VAV3: variants seen among roughly 807,000 people sequenced by gnomAD.
VAV3 encodes the protein vav guanine nucleotide exchange factor 3, also known as guanine nucleotide exchange factor VAV3.
VAV3 carries 94 observed loss-of-function variants against 131.2 expected under a neutral mutation model. The ratio of observed to expected loss-of-function variants is 0.72; its 90% CI spans 0.61 to 0.85. The LOEUF is 0.85. VAV3 is among the 40% of genes least tolerant of loss of function. The pLI is 0.00. For missense variants in VAV3, 939 were observed against 1,002.7 expected, an observed-to-expected ratio of 0.94 and a Z score of 0.86; for synonymous variants, 349 against 342.0, an observed-to-expected ratio of 1.02 and a Z score of -0.22.
intron 15 of VAV3, among the ~76,000 whole-genome samples, chr1:107,739,647 T>C (rs920716359): frequency 6.6e-6 from 1 of 152,186 alleles, no homozygotes; most frequent in African/African-American, 2.4e-5. Flanking sequence ...GAGAAAATAA[T>C]TTCTCAACAA....
At chr1:107,613,343 T>A (rs918115912) in intron 21 of VAV3, among the ~76,000 whole-genome samples, 33 of 152,116 alleles carry the variant, frequency 2.2e-4, no homozygotes, top group African/African-American at 8.0e-4. Context: ...TATTCTCTCC[T>A]TCTATTAAAT....
intron 20 of VAV3, among the ~76,000 whole-genome samples, chr1:107,637,684 C>T (rs551527917): frequency 6.6e-6 from 1 of 152,238 alleles, no homozygotes; most frequent in South Asian, 2.1e-4. Flanking sequence ...AAACTCTAGG[C>T]CTAGATAGCT....
intron 1 of VAV3, among the ~76,000 whole-genome samples, chr1:107,916,869 CA>C (rs1452638845): frequency 6.6e-6 from 1 of 152,054 alleles, no homozygotes; most frequent in Non-Finnish European, 1.5e-5. Flanking sequence ...CAGCAAGAAT[CA>C]GGGGCCACAA....
At chr1:107,750,140 A>G (rs77335801) in intron 13 of VAV3, among the ~76,000 whole-genome samples, 1,868 of 152,282 alleles carry the variant, frequency 0.012, 46 homozygotes, top group African/African-American at 0.041. Flanking sequence ...AATTTGCTCA[A>G]GATCACACTG....
At chr1:107,642,863 C>G in intron 19 of VAV3, 108 bp from the exon 20 acceptor site, 2 of 1,433,226 alleles carry the variant, frequency 1.4e-6, no homozygotes, top group South Asian at 2.7e-5. Context: ...GTTAATACCA[C>G]CAAGTCCAAG....
intron 1 of VAV3, among the ~76,000 whole-genome samples, chr1:107,876,708 T>C (rs867047493): frequency 6.6e-6 from 1 of 152,252 alleles, no homozygotes; most frequent in African/African-American, 2.4e-5. Context: ...CAGATCCACC[T>C]AAGCAAAATA....
At position 107,874,935 on chromosome 1, in the gene VAV3, G is replaced by A. The variant is rs1466441587; in HGVS notation, c.287C>T (p.Ala96Val). 6.2e-7 allele frequency: 1 copy of A among 1,613,192 alleles called. No homozygotes were observed. Among genetic ancestry groups the A allele is most frequent in the Non-Finnish European group, 8.5e-7 (1 of 1,179,550 alleles). Residue 96 changes from alanine to valine, a missense_variant, in exon 2 of 27, where the codon GCA (alanine) becomes GTA (valine). Transcript: ENST00000370056. ...FGMRKSELFE[A>V]FDLFDVRDFG... ...GTCACGAACATCAAACAAGTCAAAT[G>A]CCTCGAAAAGTTCACTTTTCCTCAT...
intron 13 of VAV3, among the ~76,000 whole-genome samples, chr1:107,750,702 T>C (rs955302305): frequency 3.9e-5 from 6 of 152,266 alleles, no homozygotes; most frequent in Non-Finnish European, 5.9e-5. Context: ...AAGAACTACA[T>C]CTGCAAATTT....
At chr1:107,785,599 C>A in intron 2 of VAV3, 2 of 1,160,330 alleles carry the variant, frequency 1.7e-6, no homozygotes, top group Non-Finnish European at 2.2e-6. Context: ...AGGCTCAAGG[C>A]ACAGATGTTG....
intron 25 of VAV3, among the ~76,000 whole-genome samples, chr1:107,576,973 G>A (rs1558061090): frequency 6.6e-6 from 1 of 151,854 alleles, no homozygotes; most frequent in Non-Finnish European, 1.5e-5. Context: ...TTCAAAAGGA[G>A]AAAAGTGCAG....
At chr1:107,930,674 G>C (rs989934628) in intron 1 of VAV3, among the ~76,000 whole-genome samples, 1 of 151,938 alleles carries the variant, frequency 6.6e-6, no homozygotes, top group Admixed American at 6.5e-5. Context: ...ATTGTTTTAG[G>C]CAAAGATTAA....
In VAV3 at chr1:107,785,409, G is replaced by T. The variant is rs776306616; in HGVS notation, c.322-5917C>A. ...GACCCAAAAGGAAAGGCCGGGTTCAGTAACAACAACCTGGGTTCAAAAGGA... is the reference window on the plus strand; with the variant it reads ...GACCCAAAAGGAAAGGCCGGGTTCATTAACAACAACCTGGGTTCAAAAGGA... On this transcript the variant is annotated intron_variant, in intron 2 of 26. Coordinates refer to ENST00000370056, the MANE Select transcript of VAV3 (RefSeq NM_006113.5). The T allele has an allele frequency of 6.8e-6, 9 of 1,319,282 alleles. No individual in the cohort carries two copies. The Admixed American group carries it at 2.1e-4, about 31-fold the overall frequency. 81.7% of individuals were successfully genotyped at this position (1,319,282 alleles called of 1,614,324 possible).
At chr1:107,814,075 C>G (rs1261893565) in intron 2 of VAV3, among the ~76,000 whole-genome samples, 1 of 150,470 alleles carries the variant, frequency 6.6e-6, no homozygotes, top group Non-Finnish European at 1.5e-5. Flanking sequence ...TAGGTTGATT[C>G]CATATCTTGG....
chr1:107,722,340 T>C (rs1474550084), intron 15 of VAV3, among the ~76,000 whole-genome samples: 1 of 152,178 alleles, frequency 6.6e-6, no homozygotes, highest in Non-Finnish European at 1.5e-5. Context: ...AATTGTCCTG[T>C]GATTTTGGGA....
At chr1:107,639,885 G>A (rs949261793) in intron 20 of VAV3, among the ~76,000 whole-genome samples, 24 of 150,756 alleles carry the variant, frequency 1.6e-4, no homozygotes, top group East Asian at 7.8e-4. Flanking sequence ...AGTGAGCTAC[G>A]ATTGTAGTAC....
In VAV3 at chr1:107,723,183, A is replaced by G. The variant is rs750355448; in HGVS notation, c.1503-18122T>C. Among the ~76,000 whole-genome samples the G allele has an allele frequency of 2.0e-5, 3 of 152,190 alleles. 1 individual carries two copies. ...ATAGAATCTTAAAAACTGCTGTAGA[A>G]CAAATTTATCCATGAAGAGCAAAAC... is the stretch of plus-strand genomic sequence containing the variant. On this transcript the variant is annotated intron_variant, in intron 15 of 26. Transcript: ENST00000370056.
intron 2 of VAV3, among the ~76,000 whole-genome samples, chr1:107,809,908 C>G (rs962897097): frequency 1.3e-5 from 2 of 152,088 alleles, no homozygotes; most frequent in Admixed American, 6.6e-5. Flanking sequence ...CCTAGAGAAA[C>G]GTTGCCAGGA....
At chr1:107,941,838 A>G (rs1294177970) in intron 1 of VAV3, among the ~76,000 whole-genome samples, 1 of 152,176 alleles carries the variant, frequency 6.6e-6, no homozygotes, top group Non-Finnish European at 1.5e-5. Flanking sequence ...CCCAGATGAC[A>G]GAGAATTTTA....
intron 1 of VAV3, among the ~76,000 whole-genome samples, chr1:107,908,397 T>A (rs77965575): frequency 6.6e-6 from 1 of 152,184 alleles, no homozygotes; most frequent in African/African-American, 2.4e-5. Context: ...TAAGATCGGT[T>A]ATTACCAATC....
Sources: allele counts gnomAD v4.1 joint callset (sites outside exome capture counted in the v4.1 genomes callset), GRCh38; gene constraint gnomAD v4.1.1; transcripts MANE v1.5; gene names NCBI Gene and HGNC (gene_info 2026-07-23, HGNC 2026-07-21).